MAML2: variants seen among roughly 807,000 people sequenced by gnomAD.
The protein encoded by MAML2 is mastermind-like protein 2.
MAML2 carries 22 observed loss-of-function variants against 96.1 expected under a neutral mutation model. The observed-to-expected ratio is 0.23, with a 90% CI of 0.16 to 0.33. MAML2 has a LOEUF of 0.33. Among genes scored for constraint, MAML2 ranks in the 10% least tolerant of loss-of-function variants. MAML2 has a pLI of 1.00. For missense variants in MAML2, 1,367 were observed against 1,392.4 expected (o/e 0.98, Z 0.29); for synonymous variants, 561 against 521.3 (o/e 1.08, Z -1.04).
intron 1 of MAML2, among the ~76,000 whole-genome samples, chr11:96,218,178 T>C (rs747170103): frequency 2.0e-5 from 3 of 152,230 alleles, no homozygotes; most frequent in Non-Finnish European, 4.4e-5. Flanking sequence ...GGTGTGCCTT[T>C]TGAATTTTTC....
chr11:96,245,150 C>G (rs1862493287), intron 1 of MAML2, among the ~76,000 whole-genome samples: 1 of 151,572 alleles, frequency 6.6e-6, no homozygotes, highest in African/African-American at 2.4e-5. Flanking sequence ...TTTGAATTTT[C>G]CAAATAATTT....
intron 1 of MAML2, among the ~76,000 whole-genome samples, chr11:96,341,048 T>A (rs1249194798): frequency 6.6e-6 from 1 of 151,958 alleles, no homozygotes; most frequent in African/African-American, 2.4e-5. Flanking sequence ...AGCTGGAGGA[T>A]CCATGAGATA....
chr11:96,307,918 C>G (rs1190241910), intron 1 of MAML2, among the ~76,000 whole-genome samples: 1 of 152,092 alleles, frequency 6.6e-6, no homozygotes, highest in African/African-American at 2.4e-5. Flanking sequence ...GCCTATGACT[C>G]ATGGGTGGAT....
chr11:96,066,829 A>G (rs1267707539), intron 2 of MAML2, among the ~76,000 whole-genome samples: 1 of 152,222 alleles, frequency 6.6e-6, no homozygotes, highest in African/African-American at 2.4e-5. Context: ...GATAAAGGCT[A>G]TGGAGACAAA....
intron 1 of MAML2, among the ~76,000 whole-genome samples, chr11:96,167,346 G>A (rs1484916374): frequency 6.6e-6 from 1 of 152,052 alleles, no homozygotes; most frequent in Non-Finnish European, 1.5e-5. Context: ...CTTCCTAGCT[G>A]GCCTTCCTCC....
chr11:96,060,584 C>G (rs1565202524), intron 2 of MAML2, among the ~76,000 whole-genome samples: 2 of 152,062 alleles, frequency 1.3e-5, no homozygotes, highest in Non-Finnish European at 2.9e-5. Flanking sequence ...AATGAAAAGA[C>G]CTAATGAGAA....
At chr11:96,293,515 A>G (rs1863244698) in intron 1 of MAML2, among the ~76,000 whole-genome samples, 2 of 152,214 alleles carry the variant, frequency 1.3e-5, no homozygotes, top group South Asian at 4.1e-4. Flanking sequence ...TAAGATAACT[A>G]TAAAAATACC....
chr11:96,201,538 A>G (rs1861821620), intron 1 of MAML2, among the ~76,000 whole-genome samples: 1 of 152,242 alleles, frequency 6.6e-6, no homozygotes. Flanking sequence ...AAAAAAGTAA[A>G]AGGATTTGTG....
chr11:96,007,219 G>A (rs1217791074), intron 2 of MAML2, among the ~76,000 whole-genome samples: 1 of 150,298 alleles, frequency 6.7e-6, no homozygotes, highest in Non-Finnish European at 1.5e-5. Context: ...CACCATGTTG[G>A]CCAGGATGGT....
chr11:95,981,340 T>A (rs1210961487), intron 4 of MAML2, among the ~76,000 whole-genome samples: 1 of 152,192 alleles, frequency 6.6e-6, no homozygotes, highest in African/African-American at 2.4e-5. Flanking sequence ...ATTGAAATCT[T>A]CTTGACTTCT....
chr11:95,977,489 C>T lies in MAML2; in HGVS notation c.*1459G>A, dbSNP rs932925486. The stretch of plus-strand genomic sequence containing the variant: ...AGACTTGATTATTAAATAACTTCAG[C>T]TAAATTACATTTGATATTTGAATAT... On this transcript the variant is annotated 3_prime_UTR_variant, in exon 5 of 5. Coordinates refer to ENST00000524717, the MANE Select transcript of MAML2 (RefSeq NM_032427.4). 1 of 193,470 alleles carries T rather than the reference C, an allele frequency of 5.2e-6. No individual in the cohort carries two copies. Among genetic ancestry groups the T allele is most frequent in the East Asian group, 8.2e-5 (1 of 12,188 alleles). 12.0% of individuals were successfully genotyped at this position (193,470 alleles called of 1,614,324 possible). A position where few individuals can be genotyped will look rare whatever the true frequency, so the allele number is the denominator to read the frequency against.
rs530537113 is a variant in MAML2, at chr11:96,253,110, T to C, written c.513+88273A>G. 8.5e-5 allele frequency among the ~76,000 whole-genome samples: 13 copies of C among 152,162 alleles called. No homozygotes were observed. The South Asian group carries it at 1.2e-3, about 15-fold the overall frequency. ...AAGGCTCTGCATATAGTAGAGCCTA[T>C]AGTAGAGCTCAACAGAGGAAAGAGA... is the stretch of plus-strand genomic sequence containing the variant. On this transcript the variant is annotated intron_variant, in intron 1 of 4. Coordinates refer to ENST00000524717, the MANE Select transcript of MAML2 (RefSeq NM_032427.4).
chr11:96,154,061 A>G (rs1426152595), intron 1 of MAML2, among the ~76,000 whole-genome samples: 1 of 152,246 alleles, frequency 6.6e-6, no homozygotes, highest in Non-Finnish European at 1.5e-5. Flanking sequence ...AGCTCTCACT[A>G]TGATTTTCTT....
At chr11:96,259,421 A>G (rs533819947) in intron 1 of MAML2, among the ~76,000 whole-genome samples, 1 of 152,218 alleles carries the variant, frequency 6.6e-6, no homozygotes, top group African/African-American at 2.4e-5. Flanking sequence ...TTCCATCTCA[A>G]TAACCCTTTA....
At chr11:96,271,032 G>C (rs1862909943) in intron 1 of MAML2, among the ~76,000 whole-genome samples, 1 of 152,156 alleles carries the variant, frequency 6.6e-6, no homozygotes, top group South Asian at 2.1e-4. Flanking sequence ...TCGAACATCA[G>C]ACTCCAAATT....
At position 96,092,689 on chromosome 11, in the gene MAML2, G is replaced by A. The variant is rs761367153; in HGVS notation, c.1342C>T (p.Arg448Trp). 8 of 1,613,968 alleles carry A rather than the reference G, an allele frequency of 5.0e-6. No homozygotes were observed. The highest frequency in any genetic ancestry group is 2.2e-5 in the South Asian group (2 of 91,078). Reference protein sequence around the residue: ...QIAANRQQHARMQQHQQQHQP... With the variant: ...QIAANRQQHAWMQQHQQQHQP... ...TGCTGCTGCTGGTGCTGCTGCATCC[G>A]GGCATGCTGCTGACGATTAGCAGCT... is the stretch of plus-strand genomic sequence containing the variant. Residue 448 changes from arginine to tryptophan, a missense_variant, in exon 2 of 5, where the codon CGG becomes TGG. Physicochemically the swap from Arg to Trp is moderately radical, Grantham distance 101. Transcript: ENST00000524717. The surrounding 1 kb of genome is among the most constrained non-coding windows in gnomAD (Gnocchi z 4.1).
intron 1 of MAML2, among the ~76,000 whole-genome samples, chr11:96,144,296 T>A (rs1287300134): frequency 6.6e-6 from 1 of 152,218 alleles, no homozygotes; most frequent in Non-Finnish European, 1.5e-5. Flanking sequence ...AGAATTTTTA[T>A]AATGTAGTTA....
intron 2 of MAML2, among the ~76,000 whole-genome samples, chr11:96,082,683 C>T (rs775313778): frequency 1.4e-4 from 21 of 152,160 alleles, no homozygotes; most frequent in Admixed American, 4.6e-4. Flanking sequence ...GGCCTCATCC[C>T]TAAGGAGTAT....
chr11:96,193,939 A>T (rs1479912148), intron 1 of MAML2, among the ~76,000 whole-genome samples: 1 of 152,198 alleles, frequency 6.6e-6, no homozygotes, highest in African/African-American at 2.4e-5. Flanking sequence ...CAGTGTCTGC[A>T]GAGGGGAGAG....
Sources: gnomAD v4.1 joint callset for allele counts (sites outside exome capture counted in the v4.1 genomes callset) on GRCh38, gnomAD v4.1.1 for gene constraint, Gnocchi (gnomAD v3.1) non-coding constraint, MANE v1.5 for transcripts, NCBI Gene and HGNC (gene_info 2026-07-23, HGNC 2026-07-21) for gene names.